The following PPHLN1 variants were observed in gnomAD, a reference collection of about 807,000 sequenced individuals.
The protein encoded by PPHLN1 is periphilin 1.
Under a neutral mutation model 51.3 loss-of-function variants are expected in PPHLN1, and 29 were observed. The ratio of observed to expected loss-of-function variants is 0.57; its 90% CI spans 0.42 to 0.77. PPHLN1 has a LOEUF of 0.77. Among genes scored for constraint, PPHLN1 ranks in the 30% least tolerant of loss-of-function variants. The pLI is 0.00. For synonymous variants in PPHLN1, 147 were observed against 147.8 expected (o/e 0.99, Z 0.04); for missense variants, 436 against 438.4 (o/e 0.99, Z 0.05).
At chr12:42,382,750 G>C (rs1383570582) in intron 5 of PPHLN1, among the ~76,000 whole-genome samples, 11 of 152,168 alleles carry the variant, frequency 7.2e-5, no homozygotes. Flanking sequence ...TAGCTATGAA[G>C]ATGTAAGGGT....
chr12:42,388,111 T>G (rs569741780), intron 7 of PPHLN1, among the ~76,000 whole-genome samples: 20 of 152,294 alleles, frequency 1.3e-4, no homozygotes, highest in African/African-American at 4.8e-4. Context: ...GAGAATGACC[T>G]GACCATCCCC....
At chr12:42,343,912 A>C (rs1323576777) in intron 2 of PPHLN1, 1 of 446,428 alleles carries the variant, frequency 2.2e-6, no homozygotes, top group Non-Finnish European at 4.5e-6. Context: ...TCAGTGAGTG[A>C]AATAAATCAA....
chr12:42,341,955 C>T (rs948148843), intron 2 of PPHLN1, among the ~76,000 whole-genome samples: 2 of 152,146 alleles, frequency 1.3e-5, no homozygotes, highest in East Asian at 3.8e-4. Context: ...TAGTAAGTCA[C>T]TTTTATAAGG....
chr12:42,405,090 C>T (rs2079175818), intron 9 of PPHLN1, among the ~76,000 whole-genome samples: 1 of 152,158 alleles, frequency 6.6e-6, no homozygotes, highest in Admixed American at 6.5e-5. Context: ...TTTGCTTTCA[C>T]ATTTTTCATT....
chr12:42,431,827 C>G, intron 9 of PPHLN1: 1 of 1,375,272 alleles, frequency 7.3e-7, no homozygotes, highest in Admixed American at 1.7e-5. Context: ...TCTTCAATCA[C>G]ATATTTTGCC....
At chr12:42,375,321 T>TG (rs1454270740) in intron 5 of PPHLN1, 300 of 310,380 alleles carry the variant, frequency 9.7e-4, no homozygotes, top group Admixed American at 8.2e-3. Context: ...AAAGGTTTTT[T>TG]TTTTTTTTTT....
intron 9 of PPHLN1, among the ~76,000 whole-genome samples, chr12:42,409,962 A>C (rs1466159604): frequency 1.3e-5 from 2 of 152,094 alleles, no homozygotes; most frequent in African/African-American, 4.8e-5. Context: ...TTCAGATCAT[A>C]TGAAGTCCTA....
Position 42,360,458 on chromosome 12 carries a change from C to CTTTTTTT in PPHLN1, c.299+5259_299+5265dup, listed in dbSNP as rs71084642. Among the ~76,000 whole-genome samples the CTTTTTTT allele has an allele frequency of 4.4e-4, 25 of 56,288 alleles. 5 individuals carry two copies. Among genetic ancestry groups the CTTTTTTT allele is most frequent in the African/African-American group, 1.7e-3 (22 of 13,096 alleles). 36.9% of individuals were successfully genotyped at this position (56,288 alleles called of 152,430 possible). ...ACAGTTCCTGAAGTGATGCTGAATT[C>CTTTTTTT]TTTTTTTTTTTTTTTTTTTTTTTTT... On this transcript the variant is annotated intron_variant, in intron 4 of 9. Transcript: ENST00000358314.
chr12:42,402,761 A>C (rs1387287399), intron 9 of PPHLN1, among the ~76,000 whole-genome samples: 1 of 152,192 alleles, frequency 6.6e-6, no homozygotes, highest in Non-Finnish European at 1.5e-5. Flanking sequence ...TGTGTCAGTC[A>C]GTAATTAGTA....
chr12:42,327,814 G>A (rs1410782537), intron 1 of PPHLN1, among the ~76,000 whole-genome samples: 1 of 152,166 alleles, frequency 6.6e-6, no homozygotes, highest in African/African-American at 2.4e-5. Context: ...GGTGCTGAAG[G>A]TATGCTGCAG....
At chr12:42,363,946 G>A (rs11181460) in intron 4 of PPHLN1, among the ~76,000 whole-genome samples, 22,982 of 152,058 alleles carry the variant, frequency 0.15, 1,804 homozygotes, top group Admixed American at 0.2. Context: ...CTTAGCGGTC[G>A]GGCTCAGTGG....
chr12:42,350,678 G>GAGC (rs2073197480), intron 2 of PPHLN1, among the ~76,000 whole-genome samples: 2 of 152,160 alleles, frequency 1.3e-5, no homozygotes, highest in African/African-American at 2.4e-5. Context: ...GGGCAACATT[G>GAGC]AGCATTGAGT....
intron 9 of PPHLN1, among the ~76,000 whole-genome samples, chr12:42,423,735 T>C (rs2081197275): frequency 6.6e-6 from 1 of 152,136 alleles, no homozygotes; most frequent in East Asian, 1.9e-4. Flanking sequence ...TGGAGTGCAG[T>C]GGCATGATCT....
Position 42,393,573 on chromosome 12 carries a change from T to A in PPHLN1, c.652T>A (p.Leu218Ile), listed in dbSNP as rs1408508321. ...SGSAVSSSKV[L>I]DKPSRLTEKE... ...AGAAATGTTCTATTTTTATTAGGTGTTAGACAAACCCAGTAGGCTAACTGA... is the reference window on the plus strand; with the variant it reads ...AGAAATGTTCTATTTTTATTAGGTGATAGACAAACCCAGTAGGCTAACTGA... Residue 218 changes from leucine (L) to isoleucine (I), a missense_variant, in exon 8 of 10, where the codon TTA becomes ATA. Leu to Ile is a conservative substitution (Grantham distance 5). Transcript: ENST00000358314. 6.2e-7 allele frequency: 1 copy of A among 1,603,756 alleles called. No individual in the cohort carries two copies. Among genetic ancestry groups the A allele is most frequent in the African/African-American group, 1.3e-5 (1 of 74,372 alleles).
intron 5 of PPHLN1, among the ~76,000 whole-genome samples, chr12:42,382,824 A>G (rs2076868672): frequency 6.6e-6 from 1 of 152,206 alleles, no homozygotes; most frequent in Non-Finnish European, 1.5e-5. Flanking sequence ...TTGTTTATAA[A>G]TCATTAAAGT....
At chr12:42,397,976 G>T (rs1423560889) in intron 8 of PPHLN1, among the ~76,000 whole-genome samples, 8 of 141,718 alleles carry the variant, frequency 5.6e-5, no homozygotes, top group East Asian at 2.0e-4. Context: ...CCTGCCTCGG[G>T]TTTTTTTTTT....
At chr12:42,331,142 T>G (rs2069674923) in intron 1 of PPHLN1, among the ~76,000 whole-genome samples, 2 of 152,254 alleles carry the variant, frequency 1.3e-5, no homozygotes, top group Admixed American at 1.3e-4. Context: ...CAAAGACCTA[T>G]GTTCATCTGA....
intron 1 of PPHLN1, among the ~76,000 whole-genome samples, chr12:42,327,461 C>T (rs538668257): frequency 6.6e-6 from 1 of 152,342 alleles, no homozygotes; most frequent in East Asian, 1.9e-4. Context: ...TTTCTTCCCT[C>T]AGTATCTTCA....
chr12:42,334,558 T>C (rs918168096), intron 1 of PPHLN1, among the ~76,000 whole-genome samples: 7 of 152,214 alleles, frequency 4.6e-5, no homozygotes, highest in Admixed American at 3.9e-4. Flanking sequence ...ATGGAGTAGC[T>C]ATCTGTTTGC....
Sources: gnomAD v4.1 joint callset for allele counts (sites outside exome capture counted in the v4.1 genomes callset) on GRCh38, gnomAD v4.1.1 for gene constraint, MANE v1.5 for transcripts, NCBI Gene and HGNC (gene_info 2026-07-23, HGNC 2026-07-21) for gene names.